Variants in GASK1A observed in about 807,000 individuals in gnomAD.
GASK1A encodes Golgi-associated kinase 1A.
In GASK1A, 40 loss-of-function variants were observed where a neutral mutation model predicts 41.2. That is an observed-to-expected ratio of 0.97 (90% CI 0.75 to 1.27). GASK1A has a LOEUF of 1.27. Ranked by LOEUF, GASK1A falls within the 50% of genes most tolerant of loss-of-function variation. The pLI, the probability that GASK1A is intolerant of heterozygous loss-of-function variation, is 0.00. For missense variants in GASK1A, 678 were observed against 745.1 expected (o/e 0.91, Z 1.05); for synonymous variants, 316 against 307.1 (o/e 1.03, Z -0.30).
chr3:43,001,346 A>G (rs2089407918), intron 1 of GASK1A, among the ~76,000 whole-genome samples: 1 of 152,044 alleles, frequency 6.6e-6, no homozygotes, highest in Admixed American at 6.5e-5. Context: ...TCCTTCTAAC[A>G]CTGGATACAG....
At chr3:42,997,880 A>AT (rs1339815048) in intron 1 of GASK1A, among the ~76,000 whole-genome samples, 1 of 152,162 alleles carries the variant, frequency 6.6e-6, no homozygotes, top group African/African-American at 2.4e-5. Context: ...TGCAGGGTGC[A>AT]TGAGAGGGCA....
At chr3:43,031,537 T>C (rs1353310899) in intron 1 of GASK1A, among the ~76,000 whole-genome samples, 2 of 152,206 alleles carry the variant, frequency 1.3e-5, no homozygotes, top group Non-Finnish European at 2.9e-5. Flanking sequence ...GTGCATAGAA[T>C]ATATTTAACT....
chr3:42,989,606 C>CTTT lies in GASK1A; in HGVS notation c.3+9962_3+9964dup, dbSNP rs2089330099. ...TGTTTATCATGGAAAATCCTACCTG[C>CTTT]TTTCTTTTTTTTTTTTTTTTTTTTT... is the stretch of plus-strand genomic sequence containing the variant. On this transcript the variant is annotated intron_variant, in intron 1 of 4. Transcript: ENST00000430121. 1.0e-3 allele frequency among the ~76,000 whole-genome samples: 4 copies of CTTT among 3,900 alleles called. 1 individual carries two copies. Among genetic ancestry groups the CTTT allele is most frequent in the African/African-American group, 1.2e-3 (4 of 3,216 alleles). 2.6% of individuals were successfully genotyped at this position (3,900 alleles called of 152,430 possible).
intron 2 of GASK1A, among the ~76,000 whole-genome samples, chr3:43,046,883 C>G (rs1381001297): frequency 2.0e-5 from 3 of 152,196 alleles, no homozygotes; most frequent in Non-Finnish European, 4.4e-5. Context: ...GTACAAGCCC[C>G]AAACCTTCTA....
chr3:43,002,644 CA>C (rs2089415049), intron 1 of GASK1A, among the ~76,000 whole-genome samples: 1 of 151,874 alleles, frequency 6.6e-6, no homozygotes, highest in African/African-American at 2.4e-5. Context: ...AAAGATGTTA[CA>C]AAAAAACTAA....
At chr3:42,999,947 C>T (rs1281738707) in intron 1 of GASK1A, among the ~76,000 whole-genome samples, 1 of 152,206 alleles carries the variant, frequency 6.6e-6, no homozygotes, top group Non-Finnish European at 1.5e-5. Context: ...GTCCCCTCTT[C>T]TGTATTCATT....
At chr3:43,010,665 C>A (rs1312855940) in intron 1 of GASK1A, among the ~76,000 whole-genome samples, 1 of 152,206 alleles carries the variant, frequency 6.6e-6, no homozygotes, top group African/African-American at 2.4e-5. Context: ...TCTTGTCTCC[C>A]TGTGTACCAC....
intron 1 of GASK1A, among the ~76,000 whole-genome samples, chr3:43,010,288 T>C (rs72869061): frequency 0.016 from 2,420 of 152,282 alleles, 68 homozygotes; most frequent in African/African-American, 0.055. Flanking sequence ...CGTACTCAGA[T>C]ATTACCCAGC....
At chr3:42,986,865 G>A (rs1220143379) in intron 1 of GASK1A, among the ~76,000 whole-genome samples, 1 of 152,178 alleles carries the variant, frequency 6.6e-6, no homozygotes, top group Non-Finnish European at 1.5e-5. Flanking sequence ...TTGGGCAGGA[G>A]AACCTCCAGC....
chr3:43,055,303 T>A (rs2089710343), intron 3 of GASK1A, 129 bp from the exon 4 acceptor site: 1 of 641,292 alleles, frequency 1.6e-6, no homozygotes, highest in Non-Finnish European at 2.8e-6. Context: ...CGGTGAGGAC[T>A]GTTTGTTAGG....
At chr3:42,986,869 C>G (rs1380335442) in intron 1 of GASK1A, among the ~76,000 whole-genome samples, 1 of 152,132 alleles carries the variant, frequency 6.6e-6, no homozygotes. Flanking sequence ...GCAGGAGAAC[C>G]TCCAGCCCTT....
At chr3:43,003,749 C>A (rs543519936) in intron 1 of GASK1A, among the ~76,000 whole-genome samples, 1 of 152,196 alleles carries the variant, frequency 6.6e-6, no homozygotes, top group South Asian at 2.1e-4. Flanking sequence ...AATTTCTTGT[C>A]CATGTTTTAT....
At chr3:43,035,182 A>G (rs834166) in intron 2 of GASK1A, among the ~76,000 whole-genome samples, 52,110 of 151,918 alleles carry the variant, frequency 0.34, 9,992 homozygotes, top group East Asian at 0.59. Context: ...CTCACCCCAA[A>G]ATGGGGTTGT....
chr3:43,056,013 T>A (rs1401208758), intron 4 of GASK1A, 163 bp from the exon 5 acceptor site: 2 of 615,166 alleles, frequency 3.3e-6, no homozygotes, highest in Non-Finnish European at 5.7e-6. Flanking sequence ...GGGTCCTCTG[T>A]TAGTGAGATA....
chr3:43,044,248 G>T (rs557783026), intron 2 of GASK1A, among the ~76,000 whole-genome samples: 1 of 152,330 alleles, frequency 6.6e-6, no homozygotes, highest in South Asian at 2.1e-4. Context: ...TGGCCCAAGA[G>T]AATTCAGCTG....
chr3:42,985,546 CGTGTGTGT>C lies in GASK1A; in HGVS notation c.3+5935_3+5942del, dbSNP rs56195274. Reference sequence around the variant, plus strand: ...AGTTTATTGAGGCTGCCTGTGCATACGTGTGTGTGTGTGTGTGTGTGTGTGTGTGTGTG... The same window carrying C: ...AGTTTATTGAGGCTGCCTGTGCATACGTGTGTGTGTGTGTGTGTGTGTGTG... On this transcript the variant is annotated intron_variant, in intron 1 of 4. Transcript: ENST00000430121. 5.2e-3 allele frequency among the ~76,000 whole-genome samples: 698 copies of C among 134,784 alleles called. 18 individuals carry two copies. In the East Asian group the frequency reaches 0.079, roughly 15 times the overall value. The allele number at this position is 134,784 out of a possible 152,430, so 88.4% of individuals were successfully genotyped here. A position where few individuals can be genotyped will look rare whatever the true frequency, so the allele number is the denominator to read the frequency against.
chr3:43,048,700 G>A (rs113903980), intron 2 of GASK1A, among the ~76,000 whole-genome samples: 67 of 152,280 alleles, frequency 4.4e-4, no homozygotes, highest in Non-Finnish European at 8.7e-4. Context: ...GCTCCTGGAG[G>A]CATTTATTTT....
At chr3:42,994,607 T>C (rs1005653575) in intron 1 of GASK1A, among the ~76,000 whole-genome samples, 6 of 151,986 alleles carry the variant, frequency 3.9e-5, no homozygotes, top group African/African-American at 1.5e-4. Context: ...AAGCAGAACA[T>C]TTTCTTTGTG....
intron 1 of GASK1A, among the ~76,000 whole-genome samples, chr3:43,001,025 G>A (rs1157332701): frequency 6.6e-6 from 1 of 152,118 alleles, no homozygotes; most frequent in Non-Finnish European, 1.5e-5. Context: ...AGGAAGAGGG[G>A]GTTGAGTCCA....
Sources: allele counts gnomAD v4.1 joint callset (sites outside exome capture counted in the v4.1 genomes callset), GRCh38; gene constraint gnomAD v4.1.1; transcripts MANE v1.5; gene names NCBI Gene and HGNC (gene_info 2026-07-23, HGNC 2026-07-21).